Variants in ADGRB3 observed in about 807,000 individuals in gnomAD.
The protein encoded by ADGRB3 is adhesion G protein-coupled receptor B3.
Under a neutral mutation model 193.4 loss-of-function variants are expected in ADGRB3, and 37 were observed. The observed-to-expected ratio is 0.19, with a 90% CI of 0.15 to 0.25. ADGRB3 has a LOEUF of 0.25. ADGRB3 is among the 10% of genes least tolerant of loss of function. The pLI is 1.00. For missense variants in ADGRB3, 1,637 were observed against 1,852.9 expected (o/e 0.88, Z 2.14); for synonymous variants, 690 against 644.2 (o/e 1.07, Z -1.08).
In ADGRB3 at chr6:69,264,209, A is replaced by T. The variant is rs534974613; in HGVS notation, c.2814+24983A>T. ...AGAAGGAAACTCTCTAGGGAAATTT[A>T]TTTCACTTGAAGCATGAAAGTTAAA... On this transcript the variant is annotated intron_variant, in intron 20 of 31. Transcript: ENST00000370598. Among the ~76,000 whole-genome samples the T allele has an allele frequency of 4.2e-4, 64 of 152,126 alleles. 1 individual carries two copies. The highest frequency in any genetic ancestry group is 7.4e-4 in the Non-Finnish European group (50 of 67,896).
At chr6:68,991,523 T>C (rs1010136074) in intron 10 of ADGRB3, among the ~76,000 whole-genome samples, 1 of 151,334 alleles carries the variant, frequency 6.6e-6, no homozygotes, top group African/African-American at 2.4e-5. Flanking sequence ...AGCATGTGAA[T>C]GCTTGTGGAA....
intron 11 of ADGRB3, among the ~76,000 whole-genome samples, chr6:69,008,184 G>C (rs1769823548): frequency 6.6e-6 from 1 of 152,102 alleles, no homozygotes. Flanking sequence ...ATCACTGTCT[G>C]AAATCATCCT....
chr6:69,082,937 G>A (rs1197421578), intron 17 of ADGRB3, among the ~76,000 whole-genome samples: 2 of 152,138 alleles, frequency 1.3e-5, no homozygotes, highest in African/African-American at 4.8e-5. Flanking sequence ...ATTACTTGTT[G>A]ATATTGCATT....
chr6:69,345,439 G>T (rs2127323186), intron 26 of ADGRB3, among the ~76,000 whole-genome samples: 1 of 152,184 alleles, frequency 6.6e-6, no homozygotes, highest in Middle Eastern at 3.4e-3. Flanking sequence ...ATGCAAGTCT[G>T]GTTCAAAATA....
At position 68,649,963 on chromosome 6, in the gene ADGRB3, T is replaced by G. The variant is rs532771123; in HGVS notation, c.757+10531T>G. Among the ~76,000 whole-genome samples the G allele has an allele frequency of 5.3e-5, 8 of 152,316 alleles. No homozygotes were observed. In the East Asian group the frequency reaches 1.4e-3, roughly 26 times the overall value. Reference sequence around the variant, plus strand: ...CCCCACTGTTTCTAGCTCTGGGCACTGAACTATCTTTCCTTGCTTACTCAA... The same window carrying G: ...CCCCACTGTTTCTAGCTCTGGGCACGGAACTATCTTTCCTTGCTTACTCAA... On this transcript the variant is annotated intron_variant, in intron 3 of 31. Transcript: ENST00000370598.
chr6:68,850,910 G>A (rs1340173635), intron 3 of ADGRB3, among the ~76,000 whole-genome samples: 1 of 151,886 alleles, frequency 6.6e-6, no homozygotes, highest in African/African-American at 2.4e-5. Flanking sequence ...GTGTTCATAA[G>A]TCTGATAGAC....
chr6:69,341,979 G>A (rs538377124), intron 26 of ADGRB3, among the ~76,000 whole-genome samples: 2 of 152,084 alleles, frequency 1.3e-5, no homozygotes, highest in Non-Finnish European at 2.9e-5. Context: ...ATCAAAATAT[G>A]CAGGTTTTAA....
At chr6:69,135,483 T>C (rs1215731035) in intron 17 of ADGRB3, among the ~76,000 whole-genome samples, 1 of 152,076 alleles carries the variant, frequency 6.6e-6, no homozygotes, top group Non-Finnish European at 1.5e-5. Flanking sequence ...ATAAATGTAC[T>C]GTCGTAGTAA....
intron 3 of ADGRB3, among the ~76,000 whole-genome samples, chr6:68,917,935 A>G (rs9454650): frequency 0.012 from 1,769 of 152,308 alleles, 53 homozygotes; most frequent in African/African-American, 0.041. Context: ...CAAATAACCA[A>G]TGCAATCATT....
intron 17 of ADGRB3, among the ~76,000 whole-genome samples, chr6:69,106,716 A>C (rs1232362315): frequency 6.6e-6 from 1 of 152,224 alleles, no homozygotes; most frequent in Non-Finnish European, 1.5e-5. Flanking sequence ...GCTGCTGGGG[A>C]AACATTCATC....
intron 3 of ADGRB3, among the ~76,000 whole-genome samples, chr6:68,863,467 G>A (rs1475770294): frequency 2.0e-5 from 3 of 151,800 alleles, no homozygotes; most frequent in African/African-American, 4.8e-5. Context: ...TAATCATTTA[G>A]TATGATTTTA....
Position 68,638,956 on chromosome 6 carries a change from C to A in ADGRB3, c.281C>A (p.Ser94Tyr), listed in dbSNP as rs267601100. Residue 94 changes from serine to tyrosine, a missense_variant, in exon 3 of 32, where the codon TCC becomes TAC. Ser to Tyr is a moderately radical substitution (Grantham distance 144). This residue lies in a region of ADGRB3 where 365 missense variants were observed against 409.8 expected (regional missense o/e 0.89). Coordinates refer to ENST00000370598, the MANE Select transcript of ADGRB3 (RefSeq NM_001704.3). ...SLLAYQFDHF[S>Y]HEKIKDLLRK... ...CTGGCTTATCAGTTTGATCATTTTT[C>A]CCATGAAAAAATAAAGGATCTTTTA... is the stretch of plus-strand genomic sequence containing the variant. 1.2e-6 allele frequency: 2 copies of A among 1,613,704 alleles called. No individual in the cohort carries two copies. Among genetic ancestry groups the A allele is most frequent in the Non-Finnish European group, 1.7e-6 (2 of 1,179,938 alleles).
intron 3 of ADGRB3, among the ~76,000 whole-genome samples, chr6:68,802,902 C>G (rs145663498): frequency 6.6e-6 from 1 of 152,132 alleles, no homozygotes; most frequent in Non-Finnish European, 1.5e-5. Context: ...ATTCTATTTA[C>G]AGAATGGATT....
At chr6:68,653,677 T>C (rs1334789010) in intron 3 of ADGRB3, among the ~76,000 whole-genome samples, 27 of 152,072 alleles carry the variant, frequency 1.8e-4, no homozygotes, top group Non-Finnish European at 1.5e-5. Flanking sequence ...CGAGTTTTTC[T>C]TTATTTTAAA....
At chr6:69,189,787 C>T (rs1765147128) in intron 17 of ADGRB3, among the ~76,000 whole-genome samples, 1 of 152,078 alleles carries the variant, frequency 6.6e-6, no homozygotes. Context: ...GTCATCTAAC[C>T]TTGTTTAAGA....
intron 20 of ADGRB3, among the ~76,000 whole-genome samples, chr6:69,266,502 T>C (rs1767042730): frequency 6.6e-6 from 1 of 152,062 alleles, no homozygotes. Context: ...ACAAAAGATT[T>C]ATTATGACAG....
intron 3 of ADGRB3, among the ~76,000 whole-genome samples, chr6:68,921,661 A>G (rs1562086819): frequency 6.6e-6 from 1 of 152,162 alleles, no homozygotes; most frequent in Admixed American, 6.5e-5. Flanking sequence ...ATATAAGGGA[A>G]TGATGTAGTT....
intron 20 of ADGRB3, among the ~76,000 whole-genome samples, chr6:69,308,861 A>G (rs1768120355): frequency 6.6e-6 from 1 of 151,660 alleles, no homozygotes; most frequent in Admixed American, 6.6e-5. Flanking sequence ...GAAAAAGAAT[A>G]TTATCCAAAG....
intron 3 of ADGRB3, among the ~76,000 whole-genome samples, chr6:68,843,158 A>G (rs1194984106): frequency 6.6e-6 from 1 of 152,028 alleles, no homozygotes; most frequent in African/African-American, 2.4e-5. Context: ...GTCATTCAAT[A>G]TAGTACTGGA....
Sources: gnomAD v4.1 joint callset for allele counts (sites outside exome capture counted in the v4.1 genomes callset) on GRCh38, gnomAD v4.1.1 for gene constraint, gnomAD v4.1.1 regional missense constraint, MANE v1.5 for transcripts, NCBI Gene and HGNC (gene_info 2026-07-23, HGNC 2026-07-21) for gene names.